CCDC91: variants seen among roughly 807,000 people sequenced by gnomAD.
The protein encoded by CCDC91 is coiled-coil domain-containing protein 91.
A neutral mutation model predicts 63.2 loss-of-function variants in CCDC91; 48 were observed. The ratio of observed to expected loss-of-function variants is 0.76; its 90% CI spans 0.60 to 0.97. The LOEUF is 0.97. Ranked by LOEUF, CCDC91 falls within the 50% of genes least tolerant of loss-of-function variation. CCDC91 has a pLI of 0.00. For synonymous variants in CCDC91, 167 were observed against 165.8 expected, an observed-to-expected ratio of 1.01 and a Z score of -0.06; for missense variants, 500 against 494.6, an observed-to-expected ratio of 1.01 and a Z score of -0.10.
intron 6 of CCDC91, among the ~76,000 whole-genome samples, chr12:28,338,351 G>A (rs769067160): frequency 8.6e-5 from 13 of 150,834 alleles, no homozygotes; most frequent in Non-Finnish European, 1.8e-4. Flanking sequence ...TAAGTTCTAG[G>A]GTACATGTGC....
At chr12:28,451,564 A>T (rs890919538) in intron 10 of CCDC91, among the ~76,000 whole-genome samples, 4 of 151,690 alleles carry the variant, frequency 2.6e-5, no homozygotes, top group Non-Finnish European at 4.4e-5. Context: ...TTATGGTAAC[A>T]TTAACAAATG....
chr12:28,281,127 T>A (rs1224658083), intron 3 of CCDC91, among the ~76,000 whole-genome samples: 1 of 152,202 alleles, frequency 6.6e-6, no homozygotes, highest in Non-Finnish European at 1.5e-5. Context: ...AGTAGTCTAT[T>A]TGGTCTTAAT....
At chr12:28,453,651 T>TC (rs398116263) in intron 11 of CCDC91, among the ~76,000 whole-genome samples, 1 of 151,992 alleles carries the variant, frequency 6.6e-6, no homozygotes, top group Non-Finnish European at 1.5e-5. Flanking sequence ...TCTTTTTTTT[T>TC]CTTGCGTTTT....
At chr12:28,468,322 C>T (rs1384438684) in intron 11 of CCDC91, among the ~76,000 whole-genome samples, 1 of 150,496 alleles carries the variant, frequency 6.6e-6, no homozygotes, top group East Asian at 1.9e-4. Flanking sequence ...AACTATTTGC[C>T]TATAAATCAG....
intron 8 of CCDC91, among the ~76,000 whole-genome samples, chr12:28,400,953 T>C (rs1167852517): frequency 6.6e-6 from 1 of 152,186 alleles, no homozygotes; most frequent in Non-Finnish European, 1.5e-5. Context: ...CTTTCCCACA[T>C]CTTCCTGGCT....
chr12:28,259,244 G>A (rs1251673121), intron 2 of CCDC91, 120 bp from the exon 3 acceptor site: 6 of 702,836 alleles, frequency 8.5e-6, no homozygotes, highest in South Asian at 1.7e-5. Flanking sequence ...TTATTTAGAG[G>A]GAATATGAAA....
chr12:28,358,340 G>A lies in CCDC91; in HGVS notation c.577-4098G>A, dbSNP rs1490988680. Among the ~76,000 whole-genome samples the A allele has an allele frequency of 4.6e-5, 7 of 152,158 alleles. No homozygotes were observed. The East Asian group carries it at 1.3e-3, about 29-fold the overall frequency. On this transcript the variant is annotated intron_variant, in intron 6 of 12. Coordinates refer to ENST00000536442, the MANE Select transcript of CCDC91 (RefSeq NM_018318.5). ...ATGTTATTAACACTTTTATTTTGAT[G>A]TAAAATAGTTCTGCTCTAGTTCTGT...
chr12:28,268,311 C>G (rs1421880275), intron 3 of CCDC91, among the ~76,000 whole-genome samples: 1 of 151,930 alleles, frequency 6.6e-6, no homozygotes, highest in Non-Finnish European at 1.5e-5. Flanking sequence ...GATCTGCCCA[C>G]CTCGGCTTCC....
At position 28,457,288 on chromosome 12, in the gene CCDC91, T is replaced by A. The variant is rs76599646; in HGVS notation, c.1101+4634T>A. ...AGCCTCTCTCCAGGGACCTACAAACTGTTTTGAGTATTAACTGAAGGGACT... is the reference window on the plus strand; with the variant it reads ...AGCCTCTCTCCAGGGACCTACAAACAGTTTTGAGTATTAACTGAAGGGACT... On this transcript the variant is annotated intron_variant, in intron 11 of 12. Transcript: ENST00000536442. Among the ~76,000 whole-genome samples, 843 of 152,054 alleles carry A rather than the reference T, an allele frequency of 5.5e-3. 8 individuals are homozygous for A. Among genetic ancestry groups the A allele is most frequent in the African/African-American group, 0.02 (819 of 41,472 alleles).
chr12:28,467,303 G>A (rs1447965524), intron 11 of CCDC91, among the ~76,000 whole-genome samples: 1 of 152,036 alleles, frequency 6.6e-6, no homozygotes, highest in African/African-American at 2.4e-5. Context: ...AACCAAAAAT[G>A]AGCAGGAGTA....
chr12:28,408,499 G>A (rs1947111399), intron 8 of CCDC91, among the ~76,000 whole-genome samples: 1 of 152,024 alleles, frequency 6.6e-6, no homozygotes, highest in East Asian at 1.9e-4. Flanking sequence ...GCGTTGAGAT[G>A]GTATCTCATT....
chr12:28,434,656 A>G (rs1454001362), intron 8 of CCDC91, among the ~76,000 whole-genome samples: 2 of 133,704 alleles, frequency 1.5e-5, no homozygotes, highest in Non-Finnish European at 3.1e-5. Flanking sequence ...CTTAGAATAC[A>G]TTAGAAAGTA....
chr12:28,299,162 A>G (rs1274781609), intron 3 of CCDC91, among the ~76,000 whole-genome samples: 4 of 151,430 alleles, frequency 2.6e-5, no homozygotes, highest in Non-Finnish European at 5.9e-5. Context: ...TTTCTTTTTT[A>G]TTATATAATT....
chr12:28,214,208 GAATC>G (rs1943416644), intron 1 of CCDC91, among the ~76,000 whole-genome samples: 1 of 152,090 alleles, frequency 6.6e-6, no homozygotes, highest in Admixed American at 6.5e-5. Context: ...TCATATCTCT[GAATC>G]AATAGGCAAA....
In CCDC91 at chr12:28,452,362, T is replaced by G. The variant is rs557687843; in HGVS notation, c.925-116T>G. The G allele has an allele frequency of 4.0e-4, 238 of 595,314 alleles. 1 individual carries two copies. Among genetic ancestry groups the G allele is most frequent in the Non-Finnish European group, 5.3e-4 (183 of 345,390 alleles). The allele number at this position is 595,314 out of a possible 1,614,324, so 36.9% of individuals were successfully genotyped here. ...TTTACTATGCATAAAAACAGCAATG[T>G]TAGAACTAAACACTATAGGATCAAA... is the stretch of plus-strand genomic sequence containing the variant. On this transcript the variant is annotated intron_variant, in intron 10 of 12. Transcript: ENST00000536442.
chr12:28,245,140 A>G (rs1945642904), intron 1 of CCDC91, among the ~76,000 whole-genome samples: 1 of 152,096 alleles, frequency 6.6e-6, no homozygotes, highest in African/African-American at 2.4e-5. Context: ...TGTAGGGCTC[A>G]CTCACTATCA....
intron 1 of CCDC91, among the ~76,000 whole-genome samples, chr12:28,239,843 G>A (rs1945223756): frequency 6.6e-6 from 1 of 152,056 alleles, no homozygotes; most frequent in Non-Finnish European, 1.5e-5. Flanking sequence ...GTACTAGAAG[G>A]AGATAAGATA....
chr12:28,538,498 G>C (rs1333548865), intron 12 of CCDC91, among the ~76,000 whole-genome samples: 1 of 151,814 alleles, frequency 6.6e-6, no homozygotes, highest in Admixed American at 6.6e-5. Context: ...TCTTAATCCA[G>C]TCTATCATTG....
At chr12:28,450,280 T>C in intron 9 of CCDC91, 27 bp downstream of exon 9, 2 of 1,579,456 alleles carry the variant, frequency 1.3e-6, no homozygotes, top group Non-Finnish European at 1.7e-6. Context: ...GCTCAGAGTG[T>C]AGAAAGAATG....
Sources: allele counts gnomAD v4.1 joint callset (sites outside exome capture counted in the v4.1 genomes callset), GRCh38; gene constraint gnomAD v4.1.1; transcripts MANE v1.5; gene names NCBI Gene and HGNC (gene_info 2026-07-23, HGNC 2026-07-21).